DDAH1: variants seen among roughly 807,000 people sequenced by gnomAD.
DDAH1 encodes the protein N(G),N(G)-dimethylarginine dimethylaminohydrolase 1.
In DDAH1, 19 loss-of-function variants were observed where a neutral mutation model predicts 28.8. The observed-to-expected ratio is 0.66, with a 90% CI of 0.46 to 0.97. The LOEUF (loss-of-function observed/expected upper bound fraction) is 0.97. Among genes scored for constraint, DDAH1 ranks in the 50% least tolerant of loss-of-function variants. DDAH1 has a pLI of 0.00. For synonymous variants in DDAH1, 153 were observed against 154.4 expected, an observed-to-expected ratio of 0.99 and a Z score of 0.07; for missense variants, 326 against 375.9, an observed-to-expected ratio of 0.87 and a Z score of 1.10.
chr1:85,413,071 G>A (rs543975971), intron 1 of DDAH1, among the ~76,000 whole-genome samples: 24 of 152,258 alleles, frequency 1.6e-4, no homozygotes, highest in African/African-American at 5.5e-4. Context: ...AGAGAAAAAC[G>A]TAAAATAAAT....
At chr1:85,432,301 T>C (rs1653720234) in intron 1 of DDAH1, among the ~76,000 whole-genome samples, 1 of 152,186 alleles carries the variant, frequency 6.6e-6, no homozygotes, top group South Asian at 2.1e-4. Flanking sequence ...AACAGGTACA[T>C]GGTTAAGCAG....
intron 1 of DDAH1, among the ~76,000 whole-genome samples, chr1:85,503,439 G>A (rs1412246566): frequency 6.6e-6 from 1 of 152,130 alleles, no homozygotes; most frequent in African/African-American, 2.4e-5. Flanking sequence ...GACCTCAGGT[G>A]ATCCACCCAC....
chr1:85,468,870 C>T (rs1374352366), upstream of DDAH1, among the ~76,000 whole-genome samples: 3 of 152,138 alleles, frequency 2.0e-5, no homozygotes, highest in South Asian at 2.1e-4. Flanking sequence ...TTCACTACCA[C>T]GAGAACAGTA....
At chr1:85,371,002 G>C (rs191759367) in intron 1 of DDAH1, among the ~76,000 whole-genome samples, 169 of 152,258 alleles carry the variant, frequency 1.1e-3, no homozygotes, top group South Asian at 2.7e-3. Flanking sequence ...TGATCTGCAG[G>C]AAGTGATGTG....
chr1:85,415,785 T>C (rs541742573), intron 1 of DDAH1, among the ~76,000 whole-genome samples: 2 of 152,300 alleles, frequency 1.3e-5, no homozygotes, highest in Admixed American at 6.5e-5. Flanking sequence ...TGAGGAGAGG[T>C]TCACAGATGC....
intron 1 of DDAH1, among the ~76,000 whole-genome samples, chr1:85,503,998 A>G (rs1656919794): frequency 6.6e-6 from 1 of 152,172 alleles, no homozygotes; most frequent in South Asian, 2.1e-4. Context: ...AAGAGTTTGG[A>G]TTTTATTATA....
intron 1 of DDAH1, among the ~76,000 whole-genome samples, chr1:85,372,539 T>TA (rs1218691665): frequency 6.6e-6 from 1 of 152,126 alleles, no homozygotes; most frequent in Non-Finnish European, 1.5e-5. Flanking sequence ...TAAATTACTT[T>TA]AAAAAATATG....
chr1:85,522,903 CATT>C (rs1169783316), intron 1 of DDAH1, among the ~76,000 whole-genome samples: 12 of 150,602 alleles, frequency 8.0e-5, no homozygotes, highest in South Asian at 6.5e-4. Flanking sequence ...ATTCAGCAAA[CATT>C]ATGAGACACT....
chr1:85,530,016 C>T lies in DDAH1; in HGVS notation c.-122-33735G>A, dbSNP rs1260197443. On this transcript the variant is annotated intron_variant, in intron 1 of 6. Transcript: ENST00000426972. ...CTGGGCATCTTGGAGGGGTTGGAAA[C>T]TGCTGACCCACGCATTTGGAAAACC... 2.1e-5 allele frequency among the ~76,000 whole-genome samples: 3 copies of T among 144,284 alleles called. No homozygotes were observed. In the East Asian group the frequency reaches 6.2e-4, roughly 30 times the overall value. 94.7% of individuals were successfully genotyped at this position (144,284 alleles called of 152,430 possible).
chr1:85,423,904 A>T (rs1038218223), intron 1 of DDAH1, among the ~76,000 whole-genome samples: 3 of 152,118 alleles, frequency 2.0e-5, no homozygotes, highest in African/African-American at 4.8e-5. Flanking sequence ...ACCCTTAAGT[A>T]TGTGTTGCGA....
At chr1:85,414,924 T>TA (rs1652821258) in intron 1 of DDAH1, among the ~76,000 whole-genome samples, 1 of 150,136 alleles carries the variant, frequency 6.7e-6, no homozygotes, top group South Asian at 2.1e-4. Context: ...TTTTGTTTTT[T>TA]AAAAAATAGA....
intron 4 of DDAH1, among the ~76,000 whole-genome samples, chr1:85,340,332 G>A (rs1648397677): frequency 1.3e-5 from 2 of 152,198 alleles, no homozygotes; most frequent in Admixed American, 1.3e-4. Flanking sequence ...CTGTTCCTTT[G>A]TGGATGAGGA....
At chr1:85,342,800 C>G (rs748026613) in intron 4 of DDAH1, among the ~76,000 whole-genome samples, 19 of 152,190 alleles carry the variant, frequency 1.2e-4, no homozygotes, top group Non-Finnish European at 2.5e-4. Context: ...AGCAGTGGCT[C>G]TCAACCTTGG....
chr1:85,546,709 G>C (rs1658638012), intron 1 of DDAH1, among the ~76,000 whole-genome samples: 1 of 152,066 alleles, frequency 6.6e-6, no homozygotes, highest in Admixed American at 6.6e-5. Context: ...ATTTGTAAGA[G>C]GTGGGGAGAA....
At chr1:85,549,122 C>A (rs1658713254) in intron 1 of DDAH1, among the ~76,000 whole-genome samples, 1 of 152,124 alleles carries the variant, frequency 6.6e-6, no homozygotes, top group Non-Finnish European at 1.5e-5. Flanking sequence ...CTAAAACTGT[C>A]ACTCTGTATG....
At chr1:85,385,605 A>G (rs964085953) in intron 1 of DDAH1, among the ~76,000 whole-genome samples, 1 of 152,198 alleles carries the variant, frequency 6.6e-6, no homozygotes, top group African/African-American at 2.4e-5. Context: ...GCCTGGCAGG[A>G]AGATGGTATA....
At chr1:85,507,523 T>TAAACAAAC (rs1553143261) in intron 1 of DDAH1, among the ~76,000 whole-genome samples, 1 of 82,140 alleles carries the variant, frequency 1.2e-5, no homozygotes, top group African/African-American at 4.6e-5. Flanking sequence ...AATAAATAAA[T>TAAACAAAC]AAATAAACAA....
Position 85,320,331 on chromosome 1 carries a change from C to G in DDAH1, c.*1121G>C, listed in dbSNP as rs996440270. 2 of 152,560 alleles carry G rather than the reference C, an allele frequency of 1.3e-5. No homozygotes were observed. Among genetic ancestry groups the G allele is most frequent in the Non-Finnish European group, 2.9e-5 (2 of 68,028 alleles). 9.5% of individuals were successfully genotyped at this position (152,560 alleles called of 1,614,324 possible). On this transcript the variant is annotated 3_prime_UTR_variant, in exon 6 of 6. Transcript: ENST00000284031. ...GGTTGGGTTCAAGCATCAAGGTGAT[C>G]GCTTCCTGAACATGTTCATTGACCA...
intron 4 of DDAH1, among the ~76,000 whole-genome samples, chr1:85,347,869 G>A (rs1406232029): frequency 6.6e-6 from 1 of 152,160 alleles, no homozygotes; most frequent in Non-Finnish European, 1.5e-5. Context: ...ATGCAAACCT[G>A]AGTTTCACCA....
Sources: gnomAD v4.1 joint callset for allele counts (sites outside exome capture counted in the v4.1 genomes callset) on GRCh38, gnomAD v4.1.1 for gene constraint, MANE v1.5 for transcripts, NCBI Gene and HGNC (gene_info 2026-07-23, HGNC 2026-07-21) for gene names.